The following SLC6A11 variants were observed in gnomAD, a reference collection of about 807,000 sequenced individuals.
SLC6A11 encodes sodium- and chloride-dependent GABA transporter 3.
A neutral mutation model predicts 74.8 loss-of-function variants in SLC6A11; 25 were observed. The ratio of observed to expected loss-of-function variants is 0.33; its 90% confidence interval spans 0.24 to 0.47. The LOEUF (loss-of-function observed/expected upper bound fraction) is 0.47. SLC6A11 is among the 20% of genes least tolerant of loss of function. SLC6A11 has a pLI of 1.00. For synonymous variants in SLC6A11, 330 were observed against 330.2 expected (o/e 1.00, Z 0.01); for missense variants, 574 against 837.0 (o/e 0.69, Z 3.88).
rs1694162806 is a variant in SLC6A11, at chr3:10,823,410, T to G, written c.623+18T>G. The G allele has an allele frequency of 6.5e-7, 1 of 1,540,662 alleles. No individual in the cohort carries two copies. Among genetic ancestry groups the G allele is most frequent in the Non-Finnish European group, 9.0e-7 (1 of 1,113,572 alleles). On this transcript the variant is annotated intron_variant, in intron 4 of 13. Transcript: ENST00000254488. ...TTTTGGGAGTAAGTGGAGAAGAACTTGTCTCCCTTGGCCTGTGGGGGCTCT... is the reference window on the plus strand; with the variant it reads ...TTTTGGGAGTAAGTGGAGAAGAACTGGTCTCCCTTGGCCTGTGGGGGCTCT...
chr3:10,885,245 A>G (rs886757139), intron 6 of SLC6A11, among the ~76,000 whole-genome samples: 2 of 152,222 alleles, frequency 1.3e-5, no homozygotes, highest in African/African-American at 4.8e-5. Flanking sequence ...TTGAATTACT[A>G]GATGACCACC....
chr3:10,920,817 T>C (rs887063643), intron 8 of SLC6A11, among the ~76,000 whole-genome samples: 2 of 152,218 alleles, frequency 1.3e-5, no homozygotes, highest in African/African-American at 4.8e-5. Flanking sequence ...TCTTCTGCCT[T>C]GCTTTTTTGT....
At chr3:10,838,220 C>T (rs926996465) in intron 4 of SLC6A11, among the ~76,000 whole-genome samples, 3 of 152,230 alleles carry the variant, frequency 2.0e-5, no homozygotes, top group African/African-American at 7.2e-5. Context: ...GCTCTCTGGG[C>T]AAACCAGCCC....
chr3:10,856,313 G>A (rs560300815), intron 5 of SLC6A11, among the ~76,000 whole-genome samples: 2 of 152,350 alleles, frequency 1.3e-5, no homozygotes, highest in Non-Finnish European at 2.9e-5. Context: ...GGGAAGCAGG[G>A]AAATGATGGG....
At chr3:10,873,551 TACCCTACCCTACCCTACC>T (rs1694862149) in intron 5 of SLC6A11, among the ~76,000 whole-genome samples, 1 of 146,898 alleles carries the variant, frequency 6.8e-6, no homozygotes, top group Non-Finnish European at 1.5e-5. Context: ...TATCCTATCC[TACCCTACCCTACCCTACC>T]CTACCCTACC....
At chr3:10,897,739 CCAT>C (rs1695187901) in intron 6 of SLC6A11, among the ~76,000 whole-genome samples, 1 of 152,172 alleles carries the variant, frequency 6.6e-6, no homozygotes, top group African/African-American at 2.4e-5. Context: ...AGTGTATCTA[CCAT>C]TCTGGGATCT....
rs189019859 is a variant in SLC6A11 at position 10,938,203 on chromosome 3, C to T, written c.1747-47C>T. On this transcript the variant is annotated intron_variant, in intron 13 of 13. Transcript: ENST00000254488. ...GGAGAGGCCACGGCAGACCCTGGACCCTGGCAGCTAATCACTCAGATCTTC... is the reference window on the plus strand; with the variant it reads ...GGAGAGGCCACGGCAGACCCTGGACTCTGGCAGCTAATCACTCAGATCTTC... The T allele has an allele frequency of 2.8e-4, 427 of 1,536,838 alleles. No homozygotes were observed. The Middle Eastern group carries it at 3.6e-3, about 13-fold the overall frequency.
At chr3:10,921,207 G>T (rs560880444) in intron 8 of SLC6A11, among the ~76,000 whole-genome samples, 1 of 152,268 alleles carries the variant, frequency 6.6e-6, no homozygotes, top group Non-Finnish European at 1.5e-5. Flanking sequence ...CTCTTCTAGG[G>T]GAATGATTTT....
intron 6 of SLC6A11, among the ~76,000 whole-genome samples, chr3:10,901,215 A>T (rs1695235935): frequency 6.6e-6 from 1 of 152,150 alleles, no homozygotes; most frequent in South Asian, 2.1e-4. Context: ...TCCCGTATTT[A>T]GCGCTTTGGT....
At chr3:10,887,512 C>T (rs1478364076) in intron 6 of SLC6A11, among the ~76,000 whole-genome samples, 1 of 152,152 alleles carries the variant, frequency 6.6e-6, no homozygotes, top group African/African-American at 2.4e-5. Context: ...ATGGCCTGAT[C>T]TCGGCTCACT....
intron 5 of SLC6A11, among the ~76,000 whole-genome samples, chr3:10,851,765 G>A (rs987494174): frequency 6.6e-6 from 1 of 152,268 alleles, no homozygotes; most frequent in African/African-American, 2.4e-5. Flanking sequence ...TCAGGGTCAG[G>A]GAGGAGCTGG....
intron 6 of SLC6A11, among the ~76,000 whole-genome samples, chr3:10,886,604 C>T (rs1013663975): frequency 4.6e-5 from 7 of 152,152 alleles, no homozygotes; most frequent in African/African-American, 1.7e-4. Flanking sequence ...GTCAGGAATT[C>T]CGGACCAGCC....
At chr3:10,903,632 A>G (rs1575696364) in intron 6 of SLC6A11, among the ~76,000 whole-genome samples, 1 of 152,188 alleles carries the variant, frequency 6.6e-6, no homozygotes, top group Admixed American at 6.5e-5. Flanking sequence ...AAGAGGGAAT[A>G]GGCTTTTTTG....
At chr3:10,877,280 A>G (rs930521013) in intron 6 of SLC6A11, among the ~76,000 whole-genome samples, 2 of 152,184 alleles carry the variant, frequency 1.3e-5, no homozygotes, top group Non-Finnish European at 2.9e-5. Context: ...GTAATTTAGG[A>G]TTCACAGGAC....
intron 5 of SLC6A11, among the ~76,000 whole-genome samples, chr3:10,849,794 CAAAAAAAAAAAAAA>C (rs56099322): frequency 2.3e-5 from 2 of 87,250 alleles, no homozygotes; most frequent in Non-Finnish European, 4.4e-5. Flanking sequence ...TTGTTGAAGC[CAAAAAAAAAAAAAA>C]AAAAAAAAAA....
At chr3:10,861,580 C>A (rs567846538) in intron 5 of SLC6A11, among the ~76,000 whole-genome samples, 4 of 151,968 alleles carry the variant, frequency 2.6e-5, no homozygotes, top group Non-Finnish European at 4.4e-5. Flanking sequence ...TTAAAAAAAT[C>A]ATGGAGAAAG....
At chr3:10,843,857 G>A (rs1694468531) in intron 4 of SLC6A11, among the ~76,000 whole-genome samples, 1 of 152,192 alleles carries the variant, frequency 6.6e-6, no homozygotes, top group Admixed American at 6.5e-5. Flanking sequence ...GGCAGGGCAG[G>A]ATGTATGGGC....
chr3:10,916,954 C>T (rs1041898939), intron 7 of SLC6A11, among the ~76,000 whole-genome samples: 2 of 152,150 alleles, frequency 1.3e-5, no homozygotes, highest in African/African-American at 4.8e-5. Context: ...CAACCAAGAA[C>T]AACATTAATG....
At chr3:10,819,358 T>A in intron 1 of SLC6A11, 107 bp from the exon 2 acceptor site, 1 of 1,192,928 alleles carries the variant, frequency 8.4e-7, no homozygotes, top group South Asian at 1.6e-5. Context: ...GAACTCAAGT[T>A]CAAAGAACAT....
Sources: allele counts gnomAD v4.1 joint callset (sites outside exome capture counted in the v4.1 genomes callset), GRCh38; gene constraint gnomAD v4.1.1; transcripts MANE v1.5; gene names NCBI Gene and HGNC (gene_info 2026-07-23, HGNC 2026-07-21).